Variants in HDAC9 observed in about 807,000 individuals in gnomAD.
HDAC9 encodes the protein MEF-2 interacting transcription repressor (MITR) protein.
HDAC9 carries 41 observed loss-of-function variants against 139.4 expected under a neutral mutation model. That is an observed-to-expected ratio of 0.29 (90% CI 0.23 to 0.38). The LOEUF (loss-of-function observed/expected upper bound fraction) is 0.38. HDAC9 is among the 10% of genes least tolerant of loss of function. The pLI, the probability that HDAC9 is intolerant of heterozygous loss-of-function variation, is 1.00. For missense variants in HDAC9, 1,147 were observed against 1,297.0 expected, an observed-to-expected ratio of 0.88 and a Z score of 1.78; for synonymous variants, 517 against 476.2, an observed-to-expected ratio of 1.09 and a Z score of -1.12.
At chr7:18,928,098 G>A (rs1461893163) in intron 22 of HDAC9, among the ~76,000 whole-genome samples, 1 of 152,152 alleles carries the variant, frequency 6.6e-6, no homozygotes, top group Non-Finnish European at 1.5e-5. Flanking sequence ...TGATTCTAGA[G>A]TCTGTTCTAT....
intron 2 of HDAC9, among the ~76,000 whole-genome samples, chr7:18,568,026 G>GTATATATATATATATATATATA (rs36203178): frequency 4.9e-4 from 62 of 126,796 alleles, no homozygotes; most frequent in African/African-American, 1.0e-3. Flanking sequence ...ATATGTATAT[G>GTATATATATATATATATATATA]TATATATATA....
chr7:18,400,026 A>G lies in HDAC9; in HGVS notation c.-41-96236A>G, dbSNP rs572559722. The stretch of plus-strand genomic sequence containing the variant: ...CACTGGCCTATTCGCATCAGAGCCC[A>G]AAGGAAAAGTCAGAAACCACAGGAA... On this transcript the variant is annotated intron_variant, in intron 1 of 3. Coordinates refer to the HDAC9 transcript ENST00000413509. Among the ~76,000 whole-genome samples the G allele has an allele frequency of 1.8e-4, 27 of 152,316 alleles. No individual in the cohort carries two copies. In the South Asian group the frequency reaches 5.0e-3, roughly 28 times the overall value.
At chr7:18,522,681 A>C (rs758265775) in intron 2 of HDAC9, among the ~76,000 whole-genome samples, 3 of 151,892 alleles carry the variant, frequency 2.0e-5, no homozygotes, top group Non-Finnish European at 4.4e-5. Flanking sequence ...TGTCCTGTCT[A>C]TTTTTTATTT....
intron 2 of HDAC9, among the ~76,000 whole-genome samples, chr7:18,551,686 C>G (rs1480194158): frequency 6.6e-6 from 1 of 152,250 alleles, no homozygotes; most frequent in Admixed American, 6.5e-5. Context: ...TACTGGAAAA[C>G]AGGATCATTT....
At chr7:18,867,549 A>G (rs1477309742) in intron 21 of HDAC9, among the ~76,000 whole-genome samples, 1 of 152,206 alleles carries the variant, frequency 6.6e-6, no homozygotes, top group African/African-American at 2.4e-5. Context: ...AAAAACATTC[A>G]GTGTTACTGA....
Position 18,875,260 on chromosome 7 carries a change from G to GA in HDAC9, c.2803+670dup, listed in dbSNP as rs35977400. Among the ~76,000 whole-genome samples, 43 of 152,060 alleles carry GA rather than the reference G, an allele frequency of 2.8e-4. No individual in the cohort carries two copies. The South Asian group carries it at 8.7e-3, about 31-fold the overall frequency. The stretch of plus-strand genomic sequence containing the variant: ...AATAATTCCCTTGCTCTCTGAGTGG[G>GA]AAAAAAGGTATATATATATAGCTCA... On this transcript the variant is annotated intron_variant, in intron 22 of 25. Transcript: ENST00000686413.
At chr7:18,990,238 G>A (rs1355274236) in intron 25 of HDAC9, among the ~76,000 whole-genome samples, 2 of 152,132 alleles carry the variant, frequency 1.3e-5, no homozygotes, top group African/African-American at 4.8e-5. Flanking sequence ...TTCTGGTGTG[G>A]ATGTCCTTTC....
intron 2 of HDAC9, among the ~76,000 whole-genome samples, chr7:18,242,958 TG>T (rs1294059062): frequency 2.6e-5 from 4 of 152,250 alleles, no homozygotes; most frequent in Non-Finnish European, 4.4e-5. Flanking sequence ...CAATAGATAC[TG>T]AGTGCTCTAC....
intron 25 of HDAC9, among the ~76,000 whole-genome samples, chr7:18,985,279 C>A (rs1201610917): frequency 6.6e-6 from 1 of 150,958 alleles, no homozygotes; most frequent in Non-Finnish European, 1.5e-5. Flanking sequence ...TCCATGTGTT[C>A]TCATTGTTCA....
intron 17 of HDAC9, among the ~76,000 whole-genome samples, chr7:18,803,111 A>G (rs1793434787): frequency 6.6e-6 from 1 of 151,664 alleles, no homozygotes; most frequent in South Asian, 2.1e-4. Context: ...TTTTTTCTCT[A>G]TGTGACCTCT....
At position 18,666,342 on chromosome 7, in the gene HDAC9, G is replaced by C; in HGVS notation, c.1597G>C (p.Asp533His). The change falls in exon 12 of 26, where the codon GAC (aspartate) becomes CAC (histidine). Residue 533 changes from aspartate (D) to histidine (H), a missense_variant. By Grantham distance (81) the Asp-to-His change is moderately conservative. Around this residue, in one of 7 missense-constraint regions of HDAC9, gnomAD observed 256 missense variants for 219.2 expected, o/e 1.17. Coordinates refer to ENST00000686413, the MANE Select transcript of HDAC9 (RefSeq NM_178425.4). The part of the protein sequence containing the change: ...APSSGNSTRS[D>H]SSACVDDTLG... ...CTCTAGTGGCAACAGCACTAGGAGC[G>C]ACAGCAGTGCTTGTGTGGATGACAC... 3.1e-6 allele frequency: 5 copies of C among 1,613,418 alleles called. No homozygotes were observed. Among genetic ancestry groups the C allele is most frequent in the Non-Finnish European group, 4.2e-6 (5 of 1,179,622 alleles).
rs113922745 is a variant in HDAC9, at chr7:18,376,414, C to T, written c.-42+85899C>T. On this transcript the variant is annotated intron_variant, in intron 1 of 3. Coordinates refer to the HDAC9 transcript ENST00000413509. The stretch of plus-strand genomic sequence containing the variant: ...TAATTTTGATTTCATAGAATGAGTA[C>T]ATACTTCCTCATGCTTCATATGCAG... 5.0e-3 allele frequency among the ~76,000 whole-genome samples: 758 copies of T among 152,266 alleles called. 7 individuals are homozygous for T. The highest frequency in any genetic ancestry group is 0.016 in the African/African-American group (676 of 41,548).
At chr7:18,908,159 A>G (rs1056126219) in intron 22 of HDAC9, among the ~76,000 whole-genome samples, 5 of 152,108 alleles carry the variant, frequency 3.3e-5, no homozygotes, top group African/African-American at 1.2e-4. Context: ...AGAAATAAGC[A>G]TAATATAGAA....
intron 2 of HDAC9, among the ~76,000 whole-genome samples, chr7:18,577,703 T>C (rs538344746): frequency 3.9e-5 from 6 of 152,190 alleles, no homozygotes; most frequent in Non-Finnish European, 8.8e-5. Context: ...TGAATTAAGT[T>C]GATAAAGAAG....
At position 18,936,046 on chromosome 7, in the gene HDAC9, T is replaced by C. The variant is rs1293429338; in HGVS notation, c.2937+104T>C. On this transcript the variant is annotated intron_variant, in intron 23 of 25. Transcript: ENST00000686413. ...TTCTGCATACTCAGAAAGCTTAACATTGCTCTTACCATTAAGAAAGAAGGT... is the reference window on the plus strand; with the variant it reads ...TTCTGCATACTCAGAAAGCTTAACACTGCTCTTACCATTAAGAAAGAAGGT... The C allele has an allele frequency of 4.6e-6, 5 of 1,080,654 alleles. No individual in the cohort carries two copies. In the East Asian group the frequency reaches 1.2e-4, roughly 26 times the overall value. The allele number at this position is 1,080,654 out of a possible 1,614,324, so 66.9% of individuals were successfully genotyped here. A position where few individuals can be genotyped will look rare whatever the true frequency, so the allele number is the denominator to read the frequency against.
intron 2 of HDAC9, among the ~76,000 whole-genome samples, chr7:18,581,768 G>T (rs3807909): frequency 0.026 from 4,000 of 152,176 alleles, 112 homozygotes; most frequent in African/African-American, 0.076. Flanking sequence ...TTACTCCAGA[G>T]CCTTGACTAA....
Position 18,097,779 on chromosome 7 carries a change from G to T in HDAC9, c.-97+10566G>T, listed in dbSNP as rs148198332. Among the ~76,000 whole-genome samples the T allele has an allele frequency of 7.7e-3, 1,174 of 152,088 alleles. 13 individuals carry two copies. The highest frequency in any genetic ancestry group is 0.027 in the African/African-American group (1,130 of 41,466). On this transcript the variant is annotated intron_variant, in intron 1 of 12. Coordinates refer to the HDAC9 transcript ENST00000417496. ...TTTTTTAGAGATGGAATCTTGCTTT[G>T]TTGACCAGGCTGGTCTTGAACTTCT...
At chr7:18,176,596 A>C (rs1409112910) in intron 2 of HDAC9, among the ~76,000 whole-genome samples, 1 of 152,202 alleles carries the variant, frequency 6.6e-6, no homozygotes, top group Admixed American at 6.5e-5. Flanking sequence ...AGATTTTTTT[A>C]AACTCTTAGA....
intron 11 of HDAC9, among the ~76,000 whole-genome samples, chr7:18,663,536 A>G (rs1793871503): frequency 6.6e-6 from 1 of 151,654 alleles, no homozygotes; most frequent in African/African-American, 2.4e-5. Flanking sequence ...TTCATCCGGT[A>G]CTCAGTTCCT....
Sources: gnomAD v4.1 joint callset for allele counts (sites outside exome capture counted in the v4.1 genomes callset) on GRCh38, gnomAD v4.1.1 for gene constraint, gnomAD v4.1.1 regional missense constraint, MANE v1.5 for transcripts, NCBI Gene and HGNC (gene_info 2026-07-23, HGNC 2026-07-21) for gene names.